CTNND2: variants seen among roughly 807,000 people sequenced by gnomAD.
The protein encoded by CTNND2 is catenin delta-2.
CTNND2 carries 22 observed loss-of-function variants against 144.4 expected under a neutral mutation model. That is an observed-to-expected ratio of 0.15 (90% CI 0.11 to 0.22). The LOEUF is 0.22. CTNND2 is among the 10% of genes least tolerant of loss of function. The probability of loss-of-function intolerance (pLI) is 1.00; values close to 1 mark genes in which losing one functional copy is unlikely to be tolerated. For missense variants in CTNND2, 1,353 were observed against 1,618.8 expected, an observed-to-expected ratio of 0.84 and a Z score of 2.82; for synonymous variants, 751 against 695.6, an observed-to-expected ratio of 1.08 and a Z score of -1.25.
chr5:11,672,064 C>T (rs753933646), intron 2 of CTNND2, among the ~76,000 whole-genome samples: 6 of 152,184 alleles, frequency 3.9e-5, no homozygotes, highest in African/African-American at 4.8e-5. Context: ...CTGGAATTTG[C>T]TGGAGGTCCA....
chr5:11,698,210 C>T (rs1310593040), intron 2 of CTNND2, among the ~76,000 whole-genome samples: 4 of 152,130 alleles, frequency 2.6e-5, no homozygotes, highest in African/African-American at 7.2e-5. Flanking sequence ...ACAATACTCC[C>T]CAACCAAGCC....
At chr5:11,581,895 G>A (rs1245887537) in intron 2 of CTNND2, among the ~76,000 whole-genome samples, 1 of 152,202 alleles carries the variant, frequency 6.6e-6, no homozygotes, top group African/African-American at 2.4e-5. Context: ...ATGTTTAAAT[G>A]TACTGTTCTC....
At chr5:11,694,989 T>A (rs558515586) in intron 2 of CTNND2, among the ~76,000 whole-genome samples, 21 of 152,170 alleles carry the variant, frequency 1.4e-4, no homozygotes, top group Non-Finnish European at 1.0e-4. Flanking sequence ...GGTCATTTTT[T>A]AAAAATGTTA....
intron 6 of CTNND2, among the ~76,000 whole-genome samples, chr5:11,388,535 T>A (rs1005996764): frequency 1.3e-5 from 2 of 152,270 alleles, no homozygotes; most frequent in African/African-American, 4.8e-5. Flanking sequence ...AGGGGTGCTA[T>A]ACTCCATTTC....
chr5:11,236,562 T>G, intron 10 of CTNND2, 129 bp downstream of exon 10: 1 of 1,017,930 alleles, frequency 9.8e-7, no homozygotes, highest in Non-Finnish European at 1.5e-6. Flanking sequence ...TATGTTCTAG[T>G]CATAAATATA....
Position 11,903,497 on chromosome 5 carries a change from G to T in CTNND2, c.37+320C>A. 1 of 671,574 alleles carries T rather than the reference G, an allele frequency of 1.5e-6. No individual in the cohort carries two copies. The highest frequency in any genetic ancestry group is 2.1e-6 in the Non-Finnish European group (1 of 486,972). The allele number at this position is 671,574 out of a possible 1,614,324, so 41.6% of individuals were successfully genotyped here. ...GCACCGAGTATGTTCTCAGGGTGGCGGGGAGCAGCATTGTCGGTGTTGCCC... is the reference window on the plus strand; with the variant it reads ...GCACCGAGTATGTTCTCAGGGTGGCTGGGAGCAGCATTGTCGGTGTTGCCC... On this transcript the variant is annotated intron_variant, in intron 1 of 21. Coordinates refer to ENST00000304623, the MANE Select transcript of CTNND2 (RefSeq NM_001332.4). This position sits in a 1 kb window ranked among gnomAD's most constrained non-coding sequence, Gnocchi z 5.4.
intron 3 of CTNND2, among the ~76,000 whole-genome samples, chr5:11,517,816 A>T (rs1299374822): frequency 6.6e-6 from 1 of 152,062 alleles, no homozygotes; most frequent in Non-Finnish European, 1.5e-5. Flanking sequence ...TAAAATAAAT[A>T]AATAAAAATA....
chr5:11,481,111 T>C (rs930032315), intron 3 of CTNND2, among the ~76,000 whole-genome samples: 16 of 152,100 alleles, frequency 1.1e-4, no homozygotes, highest in African/African-American at 3.1e-4. Flanking sequence ...CATAAACCCA[T>C]TGGCAGGGGA....
intron 1 of CTNND2, among the ~76,000 whole-genome samples, chr5:11,849,138 C>T (rs1794893478): frequency 6.6e-6 from 1 of 152,138 alleles, no homozygotes; most frequent in Non-Finnish European, 1.5e-5. Flanking sequence ...GGCTCACAAT[C>T]ATGGCAGATG....
intron 3 of CTNND2, among the ~76,000 whole-genome samples, chr5:11,469,437 G>A (rs1766960904): frequency 6.6e-6 from 1 of 152,176 alleles, no homozygotes; most frequent in South Asian, 2.1e-4. Context: ...ATCCTTTAAA[G>A]TTACTTTCAG....
chr5:11,826,298 A>C (rs925273232), intron 1 of CTNND2, among the ~76,000 whole-genome samples: 1 of 152,076 alleles, frequency 6.6e-6, no homozygotes, highest in African/African-American at 2.4e-5. Flanking sequence ...AGTAAATTTT[A>C]TATGAACCAA....
intron 1 of CTNND2, among the ~76,000 whole-genome samples, chr5:11,857,346 G>A (rs1030226977): frequency 5.9e-5 from 9 of 152,302 alleles, no homozygotes; most frequent in African/African-American, 1.2e-4. Flanking sequence ...CAAAGGCACC[G>A]AGGCAGGAAC....
intron 6 of CTNND2, among the ~76,000 whole-genome samples, chr5:11,391,632 G>C (rs1001259985): frequency 2.3e-4 from 35 of 152,262 alleles, no homozygotes; most frequent in African/African-American, 8.2e-4. Flanking sequence ...AGAAAACTCT[G>C]GTACTGCGAG....
chr5:11,141,452 A>T lies in CTNND2; in HGVS notation c.2159+18124T>A, dbSNP rs564252927. ...CTTGGTGAATAAAGGAGCCAAAGCT[A>T]AAAGTTAGAGGCTCCAGTCTTTGGA... is the stretch of plus-strand genomic sequence containing the variant. On this transcript the variant is annotated intron_variant, in intron 12 of 21. Coordinates refer to ENST00000304623, the MANE Select transcript of CTNND2 (RefSeq NM_001332.4). 5.3e-5 allele frequency among the ~76,000 whole-genome samples: 8 copies of T among 152,296 alleles called. No individual in the cohort carries two copies. The East Asian group carries it at 1.5e-3, about 29-fold the overall frequency.
At chr5:11,097,850 C>T (rs1394244865) in intron 15 of CTNND2, among the ~76,000 whole-genome samples, 1 of 152,168 alleles carries the variant, frequency 6.6e-6, no homozygotes, top group Non-Finnish European at 1.5e-5. Flanking sequence ...TGGTATTCTC[C>T]CCACCTGCCC....
chr5:11,617,442 T>A (rs1780632572), intron 2 of CTNND2, among the ~76,000 whole-genome samples: 1 of 152,226 alleles, frequency 6.6e-6, no homozygotes, highest in African/African-American at 2.4e-5. Flanking sequence ...TGTTGCCATA[T>A]TTTAGCTCAT....
chr5:11,036,128 A>AT (rs72380877), intron 16 of CTNND2, among the ~76,000 whole-genome samples: 12,077 of 150,072 alleles, frequency 0.08, 568 homozygotes, highest in Non-Finnish European at 0.11. Flanking sequence ...TATCGTGTTA[A>AT]TTTTTTTTTT....
At chr5:11,395,748 A>G (rs1039582817) in intron 6 of CTNND2, among the ~76,000 whole-genome samples, 1 of 152,264 alleles carries the variant, frequency 6.6e-6, no homozygotes, top group African/African-American at 2.4e-5. Context: ...GAAGGTAATG[A>G]CATTTTAAAA....
chr5:11,587,414 T>A (rs1372972490), intron 2 of CTNND2, among the ~76,000 whole-genome samples: 1 of 152,098 alleles, frequency 6.6e-6, no homozygotes, highest in Non-Finnish European at 1.5e-5. Context: ...AATATCTTTC[T>A]TCTGATATTA....
Sources: allele counts gnomAD v4.1 joint callset (sites outside exome capture counted in the v4.1 genomes callset), GRCh38; gene constraint gnomAD v4.1.1; non-coding constraint Gnocchi (gnomAD v3.1); transcripts MANE v1.5; gene names NCBI Gene and HGNC (gene_info 2026-07-23, HGNC 2026-07-21).